The following HDAC5 variants were observed in gnomAD, a reference collection of about 807,000 sequenced individuals.
HDAC5 encodes histone deacetylase 5, also known as antigen NY-CO-9.
A neutral mutation model predicts 133.3 loss-of-function variants in HDAC5; 25 were observed. The observed-to-expected ratio is 0.19, with a 90% confidence interval of 0.14 to 0.26. The LOEUF (loss-of-function observed/expected upper bound fraction) is 0.26. Ranked by LOEUF, HDAC5 falls within the 10% of genes least tolerant of loss-of-function variation. The probability of loss-of-function intolerance (pLI) is 1.00; values close to 1 mark genes in which losing one functional copy is unlikely to be tolerated. For missense variants in HDAC5, 1,041 were observed against 1,460.5 expected (o/e 0.71, Z 4.68); for synonymous variants, 589 against 610.8 (o/e 0.96, Z 0.53).
intron 3 of HDAC5, among the ~76,000 whole-genome samples, chr17:44,095,378 G>A (rs1028778742): frequency 2.6e-5 from 4 of 152,236 alleles, no homozygotes; most frequent in Admixed American, 6.5e-5. Flanking sequence ...AGGCACAGAG[G>A]TTGGTTCTAG....
intron 3 of HDAC5, among the ~76,000 whole-genome samples, chr17:44,098,029 G>A (rs998438699): frequency 9.2e-5 from 14 of 152,282 alleles, no homozygotes; most frequent in African/African-American, 3.4e-4. Context: ...GGCGACTCCA[G>A]AATATTAATT....
rs962715030 is a variant in HDAC5, at chr17:44,077,209, C to A, written c.*1167G>T. The A allele has an allele frequency of 5.9e-5, 9 of 152,790 alleles. No individual in the cohort carries two copies. Among genetic ancestry groups the A allele is most frequent in the African/African-American group, 1.9e-4 (8 of 41,538 alleles). 9.5% of individuals were successfully genotyped at this position (152,790 alleles called of 1,614,324 possible). A position where few individuals can be genotyped will look rare whatever the true frequency, so the allele number is the denominator to read the frequency against. On this transcript the variant is annotated 3_prime_UTR_variant, in exon 27 of 27. Transcript: ENST00000682912. ...TGGTTTCCTACAGGCTGGATGGCAT[C>A]CCCTGGAAGCCTTGTAGGCCCACAG...
In HDAC5 at chr17:44,092,100, G is replaced by A; in HGVS notation, c.1032+72C>T. 4.5e-6 allele frequency: 6 copies of A among 1,328,664 alleles called. 1 individual carries two copies. The South Asian group carries it at 6.4e-5, about 14-fold the overall frequency. 82.3% of individuals were successfully genotyped at this position (1,328,664 alleles called of 1,614,324 possible). On this transcript the variant is annotated intron_variant, in intron 9 of 26. Transcript: ENST00000682912. ...GGCACTCAGGCAGACAGACTGGAAG[G>A]AGCTGCACTCTTTCTTCCATGGGAA...
chr17:44,096,438 G>GAA (rs1370973692), intron 3 of HDAC5, among the ~76,000 whole-genome samples: 3 of 140,754 alleles, frequency 2.1e-5, no homozygotes, highest in African/African-American at 7.9e-5. Context: ...GCGAGAGAGG[G>GAA]AAAAAAAAAA....
rs185162835 is a variant in HDAC5, at chr17:44,090,277, C to T, written c.1387+993G>A. On this transcript the variant is annotated intron_variant, in intron 11 of 26. Transcript: ENST00000682912. ...GTAACATAGCAAGATCCTGTCTCTA[C>T]AAAAATTAAAAAATAGAAAGAATAA... Among the ~76,000 whole-genome samples, 271 of 152,054 alleles carry T rather than the reference C, an allele frequency of 1.8e-3. 2 individuals carry two copies. Among genetic ancestry groups the T allele is most frequent in the African/African-American group, 6.2e-3 (255 of 41,448 alleles).
chr17:44,088,201 G>A (rs573095489), intron 12 of HDAC5, among the ~76,000 whole-genome samples, 186 bp downstream of exon 12: 7 of 151,958 alleles, frequency 4.6e-5, no homozygotes, highest in Admixed American at 1.3e-4. Flanking sequence ...TAGTAGAGAC[G>A]GGGGTTTCAC....
chr17:44,102,013 A>G (rs1446582440), intron 3 of HDAC5, among the ~76,000 whole-genome samples: 6 of 152,220 alleles, frequency 3.9e-5, no homozygotes, highest in Non-Finnish European at 7.3e-5. Flanking sequence ...AGTATTTACA[A>G]AAAACAAAGC....
In HDAC5 at chr17:44,117,403, TA is replaced by T; in HGVS notation, c.22+90del. ...CCTCATTCCCTTATAGCTCAGACAGTAAAGGTCAGCTGGCCTGGAAGGGAAA... is the reference window on the plus strand; with the variant it reads ...CCTCATTCCCTTATAGCTCAGACAGTAAGGTCAGCTGGCCTGGAAGGGAAA... On this transcript the variant is annotated intron_variant, in intron 2 of 26. Coordinates refer to ENST00000682912, the MANE Select transcript of HDAC5 (RefSeq NM_005474.5). This position sits in a 1 kb window ranked among gnomAD's most constrained non-coding sequence, Gnocchi z 4.2. 7.3e-7 allele frequency: 1 copy of T among 1,378,852 alleles called. No homozygotes were observed. Among genetic ancestry groups the T allele is most frequent in the Non-Finnish European group, 1.0e-6 (1 of 965,340 alleles). 85.4% of individuals were successfully genotyped at this position (1,378,852 alleles called of 1,614,324 possible). A position where few individuals can be genotyped will look rare whatever the true frequency, so the allele number is the denominator to read the frequency against.
intron 16 of HDAC5, among the ~76,000 whole-genome samples, 165 bp from the exon 17 acceptor site, chr17:44,084,019 T>C (rs534124230): frequency 2.0e-5 from 3 of 151,780 alleles, no homozygotes; most frequent in South Asian, 4.2e-4. Context: ...AGCTACTCAA[T>C]AGGCTCAGGC....
intron 18 of HDAC5, 82 bp downstream of exon 18, chr17:44,083,463 G>C (rs1195643069): frequency 6.2e-6 from 6 of 974,684 alleles, no homozygotes; most frequent in Non-Finnish European, 9.4e-6. Flanking sequence ...CTCACTGAAA[G>C]GATCCCAAGG....
At chr17:44,113,668 G>A (rs1174207275) in intron 2 of HDAC5, among the ~76,000 whole-genome samples, 3 of 152,124 alleles carry the variant, frequency 2.0e-5, no homozygotes. Flanking sequence ...CCAGAGCCAG[G>A]ACTGTCTTCC....
intron 3 of HDAC5, among the ~76,000 whole-genome samples, chr17:44,096,241 C>G (rs2051264115): frequency 1.3e-5 from 2 of 152,024 alleles, no homozygotes; most frequent in African/African-American, 4.8e-5. Context: ...ACTTCTTTCT[C>G]CAAAGAAAGC....
intron 14 of HDAC5, 86 bp from the exon 15 acceptor site, chr17:44,085,241 G>C: frequency 7.3e-7 from 1 of 1,368,948 alleles, no homozygotes; most frequent in Non-Finnish European, 9.7e-7. Flanking sequence ...AGGGCTCATG[G>C]AGCTGTCTCC....
intron 6 of HDAC5, 98 bp downstream of exon 6, chr17:44,092,994 C>G: frequency 1.2e-6 from 1 of 832,168 alleles, no homozygotes; most frequent in South Asian, 1.8e-5. Flanking sequence ...TTGCAGGGCC[C>G]GTATATGGGC....
Position 44,077,924 on chromosome 17 carries a change from TGGATCCTCC to T in HDAC5, c.*443_*451del, listed in dbSNP as rs2050190281. On this transcript the variant is annotated 3_prime_UTR_variant, in exon 27 of 27. Transcript: ENST00000682912. ...CCACTCTGCATCTTAAAGACAGTAG[TGGATCCTCC>T]AGATCCTCCCCTGAGGCTGGAGAAG... 1 of 156,122 alleles carries T rather than the reference TGGATCCTCC, an allele frequency of 6.4e-6. No homozygotes were observed. Among genetic ancestry groups the T allele is most frequent in the African/African-American group, 2.4e-5 (1 of 41,574 alleles). 9.7% of individuals were successfully genotyped at this position (156,122 alleles called of 1,614,324 possible).
At position 44,117,386 on chromosome 17, in the gene HDAC5, C is replaced by T; in HGVS notation, c.22+108G>A. On this transcript the variant is annotated intron_variant, in intron 2 of 26. Coordinates refer to ENST00000682912, the MANE Select transcript of HDAC5 (RefSeq NM_005474.5). The surrounding 1 kb of genome is among the most constrained non-coding windows in gnomAD (Gnocchi z 4.2). Reference sequence around the variant, plus strand: ...TTCTCCACTCCTTACCCCCTCATTCCCTTATAGCTCAGACAGTAAAGGTCA... The same window carrying T: ...TTCTCCACTCCTTACCCCCTCATTCTCTTATAGCTCAGACAGTAAAGGTCA... 5.7e-6 allele frequency: 7 copies of T among 1,219,982 alleles called. No homozygotes were observed. Among genetic ancestry groups the T allele is most frequent in the Non-Finnish European group, 8.5e-6 (7 of 820,972 alleles). 75.6% of individuals were successfully genotyped at this position (1,219,982 alleles called of 1,614,324 possible). A position where few individuals can be genotyped will look rare whatever the true frequency, so the allele number is the denominator to read the frequency against.
At chr17:44,106,295 A>G (rs992347487) in intron 3 of HDAC5, among the ~76,000 whole-genome samples, 1 of 152,150 alleles carries the variant, frequency 6.6e-6, no homozygotes, top group African/African-American at 2.4e-5. Flanking sequence ...CCTCAGGGAG[A>G]AAGATCACAG....
At chr17:44,115,740 G>A (rs1387534883) in intron 2 of HDAC5, among the ~76,000 whole-genome samples, 1 of 152,156 alleles carries the variant, frequency 6.6e-6, no homozygotes, top group African/African-American at 2.4e-5. Flanking sequence ...CCAATCCCTG[G>A]CCCCCTCCTT....
rs1181435935 is a variant in HDAC5 at position 44,087,398 on chromosome 17, G to A, written c.1884+14C>T. On this transcript the variant is annotated intron_variant, in intron 13 of 26. Coordinates refer to ENST00000682912, the MANE Select transcript of HDAC5 (RefSeq NM_005474.5). ...GGGTGGTGACCAAGGACTGGGACCAGGGACGGGGCTCACTTTTTTGTATCC... is the reference window on the plus strand; with the variant it reads ...GGGTGGTGACCAAGGACTGGGACCAAGGACGGGGCTCACTTTTTTGTATCC... 9 of 840,764 alleles carry A rather than the reference G, an allele frequency of 1.1e-5. No homozygotes were observed. The highest frequency in any genetic ancestry group is 6.6e-5 in the African/African-American group (4 of 60,386). 52.1% of individuals were successfully genotyped at this position (840,764 alleles called of 1,614,324 possible).
Sources: allele counts gnomAD v4.1 joint callset (sites outside exome capture counted in the v4.1 genomes callset), GRCh38; gene constraint gnomAD v4.1.1; non-coding constraint Gnocchi (gnomAD v3.1); transcripts MANE v1.5; gene names NCBI Gene and HGNC (gene_info 2026-07-23, HGNC 2026-07-21).